The following CLIC6 variants were observed in gnomAD, a reference collection of about 807,000 sequenced individuals.
CLIC6 encodes the protein chloride intracellular channel protein 6.
In CLIC6, 39 loss-of-function variants were observed where a neutral mutation model predicts 49.2. The observed-to-expected ratio is 0.79, with a 90% CI of 0.61 to 1.04. The LOEUF (loss-of-function observed/expected upper bound fraction) is 1.04, where lower values mean the gene tolerates loss of function less well. Ranked by LOEUF, CLIC6 falls within the 50% of genes least tolerant of loss-of-function variation. The probability of loss-of-function intolerance (pLI) is 0.00; values close to 1 mark genes in which losing one functional copy is unlikely to be tolerated. For synonymous variants in CLIC6, 446 were observed against 433.4 expected, an observed-to-expected ratio of 1.03 and a Z score of -0.36; for missense variants, 988 against 993.1, an observed-to-expected ratio of 0.99 and a Z score of 0.07.
At position 34,681,626 on chromosome 21, in the gene CLIC6, T is replaced by TA. The variant is rs1161444256; in HGVS notation, c.1374+10865dup. On this transcript the variant is annotated intron_variant, in intron 1 of 5. Coordinates refer to ENST00000349499, the MANE Select transcript of CLIC6 (RefSeq NM_053277.3). ...GGCAGGAGGTGCAGTTAGTTTTTTT[T>TA]ACCACTTGGGCCTCTTCATAGGACT... 3.3e-5 allele frequency among the ~76,000 whole-genome samples: 5 copies of TA among 152,084 alleles called. No individual in the cohort carries two copies. The East Asian group carries it at 7.7e-4, about 23-fold the overall frequency.
chr21:34,670,549 G>T lies in CLIC6; in HGVS notation c.1161G>T (p.Ala387=). Residue 387 remains alanine (A), a synonymous_variant, in exon 1 of 6, where the codon GCG becomes GCT. Transcript: ENST00000349499. Reference sequence around the variant, plus strand: ...AGGGGCCAAGGGAGGAGGAAGCAGCGGGGGGCGAAGAGGAATCCCCCGACA... The same window carrying T: ...AGGGGCCAAGGGAGGAGGAAGCAGCTGGGGGCGAAGAGGAATCCCCCGACA... The part of the protein sequence containing the change: ...SPEGPREEEA[A]GGEEESPDSS... 1.3e-6 allele frequency: 2 copies of T among 1,499,186 alleles called. No individual in the cohort carries two copies. Among genetic ancestry groups the T allele is most frequent in the South Asian group, 2.6e-5 (2 of 76,080 alleles). 92.9% of individuals were successfully genotyped at this position (1,499,186 alleles called of 1,614,324 possible).
intron 1 of CLIC6, among the ~76,000 whole-genome samples, chr21:34,687,087 T>C (rs991275357): frequency 1.3e-5 from 2 of 152,190 alleles, no homozygotes; most frequent in Non-Finnish European, 2.9e-5. Flanking sequence ...GGATATGCCA[T>C]GACTGATGTC....
chr21:34,712,070 G>A (rs1383566362), intron 5 of CLIC6, among the ~76,000 whole-genome samples: 2 of 152,126 alleles, frequency 1.3e-5, no homozygotes, highest in African/African-American at 2.4e-5. Context: ...GAGAAAAGAC[G>A]ATTTTAAATT....
At position 34,670,511 on chromosome 21, in the gene CLIC6, G is replaced by C. The variant is rs1353948041; in HGVS notation, c.1123G>C (p.Glu375Gln). 9 of 1,495,522 alleles carry C rather than the reference G, an allele frequency of 6.0e-6. No individual in the cohort carries two copies. In the African/African-American group the frequency reaches 9.9e-5, roughly 16 times the overall value. 92.6% of individuals were successfully genotyped at this position (1,495,522 alleles called of 1,614,324 possible). Reference protein sequence around the residue: ...QEPGEDEERRERSPEGPREEE... With the variant: ...QEPGEDEERRQRSPEGPREEE... ...GCCGGGGGAGGACGAAGAGAGACGAGAGCGGAGCCCGGAGGGGCCAAGGGA... is the reference window on the plus strand; with the variant it reads ...GCCGGGGGAGGACGAAGAGAGACGACAGCGGAGCCCGGAGGGGCCAAGGGA... The change falls in exon 1 of 6, where the codon GAG becomes CAG. Residue 375 changes from glutamate (E) to glutamine (Q), a missense_variant. Around this residue, in one of 3 missense-constraint regions of CLIC6, gnomAD observed 647 missense variants for 596.9 expected, o/e 1.08. Transcript: ENST00000349499.
rs2056096716 is a variant in CLIC6, at chr21:34,717,892, G to A, written c.*1410G>A. ...ACTATCCTGGGATTAGGTGAAAAAT[G>A]TCTAGCAAAAGAAACAAAGTCTTTA... On this transcript the variant is annotated 3_prime_UTR_variant, in exon 6 of 6. Coordinates refer to ENST00000349499, the MANE Select transcript of CLIC6 (RefSeq NM_053277.3). 2 of 152,206 alleles carry A rather than the reference G, an allele frequency of 1.3e-5. No individual in the cohort carries two copies. Among genetic ancestry groups the A allele is most frequent in the Admixed American group, 6.5e-5 (1 of 15,274 alleles). 9.4% of individuals were successfully genotyped at this position (152,206 alleles called of 1,614,324 possible). A position where few individuals can be genotyped will look rare whatever the true frequency, so the allele number is the denominator to read the frequency against.
At chr21:34,706,156 C>T in intron 1 of CLIC6, 1 of 596,960 alleles carries the variant, frequency 1.7e-6, no homozygotes, top group Non-Finnish European at 3.0e-6. Context: ...GTGCTGGCAT[C>T]TGCTCAGCTT....
intron 1 of CLIC6, among the ~76,000 whole-genome samples, chr21:34,683,607 G>T (rs1433503999): frequency 6.6e-6 from 1 of 152,190 alleles, no homozygotes; most frequent in Non-Finnish European, 1.5e-5. Flanking sequence ...GAGGGATGTG[G>T]TGGGAAGTGA....
chr21:34,710,361 G>T (rs1445835336), intron 5 of CLIC6, among the ~76,000 whole-genome samples: 1 of 152,142 alleles, frequency 6.6e-6, no homozygotes, highest in African/African-American at 2.4e-5. Flanking sequence ...GCAGCTTTTG[G>T]CTGAGTCTCT....
chr21:34,707,504 C>T, intron 2 of CLIC6, 115 bp downstream of exon 2: 1 of 732,436 alleles, frequency 1.4e-6, no homozygotes, highest in South Asian at 1.7e-5. Context: ...GCACGTCCAT[C>T]CTCAGTCGGA....
chr21:34,694,127 C>T (rs1340000816), intron 1 of CLIC6, among the ~76,000 whole-genome samples: 9 of 138,522 alleles, frequency 6.5e-5, no homozygotes, highest in African/African-American at 2.4e-4. Flanking sequence ...CACCACCACG[C>T]CTGGTTAATT....
chr21:34,711,084 G>A (rs1034114002), intron 5 of CLIC6, among the ~76,000 whole-genome samples: 3 of 152,220 alleles, frequency 2.0e-5, no homozygotes, highest in Admixed American at 6.5e-5. Flanking sequence ...TCAGGAAGAA[G>A]CCCATGCCTG....
At position 34,707,978 on chromosome 21, in the gene CLIC6, AC is replaced by A. The variant is rs2056027796; in HGVS notation, c.1520del (p.Thr507LysfsTer6). ...PADLQNLAPG[T>X]NPPFMTFDGE... ...AGACCTGCAGAACCTGGCTCCCGGA[AC>A]AAACCCTCCTTTCATGACTTTTGAT... On this transcript the variant is annotated frameshift_variant, in exon 3 of 6. Coordinates refer to ENST00000349499, the MANE Select transcript of CLIC6 (RefSeq NM_053277.3). LOFTEE classifies it high-confidence loss of function. 2 of 1,614,056 alleles carry A rather than the reference AC, an allele frequency of 1.2e-6. No homozygotes were observed. The highest frequency in any genetic ancestry group is 2.2e-5 in the South Asian group (2 of 91,082).
At chr21:34,689,008 G>A (rs79841697) in intron 1 of CLIC6, among the ~76,000 whole-genome samples, 7,471 of 152,234 alleles carry the variant, frequency 0.049, 618 homozygotes, top group African/African-American at 0.17. Context: ...GGGCACCTTT[G>A]TGAAGCTGCT....
At chr21:34,681,800 T>C (rs1989785085) in intron 1 of CLIC6, among the ~76,000 whole-genome samples, 1 of 152,186 alleles carries the variant, frequency 6.6e-6, no homozygotes, top group Non-Finnish European at 1.5e-5. Flanking sequence ...AGAAATATGA[T>C]CACTAAGTCC....
At chr21:34,682,902 C>A (rs1164943696) in intron 1 of CLIC6, among the ~76,000 whole-genome samples, 1 of 146,108 alleles carries the variant, frequency 6.8e-6, no homozygotes, top group Non-Finnish European at 1.5e-5. Context: ...AGCTCTGCCT[C>A]CCAGGTTCAT....
At chr21:34,690,011 A>G (rs983878865) in intron 1 of CLIC6, among the ~76,000 whole-genome samples, 5 of 152,120 alleles carry the variant, frequency 3.3e-5, no homozygotes, top group Non-Finnish European at 1.5e-5. Flanking sequence ...CTTCTCCTTT[A>G]TTCTTGGAAA....
intron 1 of CLIC6, among the ~76,000 whole-genome samples, chr21:34,684,476 G>A (rs1437648632): frequency 1.3e-5 from 2 of 152,228 alleles, no homozygotes; most frequent in Non-Finnish European, 2.9e-5. Flanking sequence ...CACAACAGAT[G>A]GATGTATGAA....
chr21:34,709,066 C>T (rs750405064), intron 4 of CLIC6, among the ~76,000 whole-genome samples: 8 of 152,224 alleles, frequency 5.3e-5, no homozygotes, highest in Non-Finnish European at 7.3e-5. Flanking sequence ...CCATGGGAAT[C>T]ATGTTCAATG....
At position 34,669,366 on chromosome 21, in the gene CLIC6, A is replaced by G; in HGVS notation, c.-23A>G. The G allele has an allele frequency of 8.1e-7, 1 of 1,236,182 alleles. No individual in the cohort carries two copies. Among genetic ancestry groups the G allele is most frequent in the East Asian group, 3.1e-5 (1 of 31,948 alleles). 76.6% of individuals were successfully genotyped at this position (1,236,182 alleles called of 1,614,324 possible). A position where few individuals can be genotyped will look rare whatever the true frequency, so the allele number is the denominator to read the frequency against. On this transcript the variant is annotated 5_prime_UTR_variant, in exon 1 of 6. Transcript: ENST00000349499. ...AAGCAGCGTCAAGGAAGGAGTCCCG[A>G]TCAAGGACAGGGATCTGCGGCCATG... is the stretch of plus-strand genomic sequence containing the variant.
Sources: allele counts gnomAD v4.1 joint callset (sites outside exome capture counted in the v4.1 genomes callset), GRCh38; gene constraint gnomAD v4.1.1; regional missense constraint gnomAD v4.1.1; transcripts MANE v1.5; gene names NCBI Gene and HGNC (gene_info 2026-07-23, HGNC 2026-07-21).